PHTF2: variants seen among roughly 807,000 people sequenced by gnomAD.
PHTF2 encodes protein PHTF2.
PHTF2 carries 60 observed loss-of-function variants against 101.2 expected under a neutral mutation model. The observed-to-expected ratio is 0.59, with a 90% CI of 0.48 to 0.73. PHTF2 has a LOEUF of 0.73. Ranked by LOEUF, PHTF2 falls within the 30% of genes least tolerant of loss-of-function variation. PHTF2 has a pLI of 0.00. For missense variants in PHTF2, 747 were observed against 908.7 expected, an observed-to-expected ratio of 0.82 and a Z score of 2.29; for synonymous variants, 311 against 307.3, an observed-to-expected ratio of 1.01 and a Z score of -0.13.
chr7:77,893,869 A>C, intron 4 of PHTF2, 113 bp from the exon 4 acceptor site: 1 of 815,498 alleles, frequency 1.2e-6, no homozygotes, highest in East Asian at 2.5e-5. Flanking sequence ...CTGTTCTTTT[A>C]AAATTGAATT....
intron 17 of PHTF2, among the ~76,000 whole-genome samples, chr7:77,950,781 A>G (rs1252939128): frequency 6.6e-6 from 1 of 152,086 alleles, no homozygotes; most frequent in African/African-American, 2.4e-5. Flanking sequence ...CTTTCTGTAG[A>G]CTTGTTACCC....
At chr7:77,863,963 A>G (rs1797856124) in intron 3 of PHTF2, among the ~76,000 whole-genome samples, 2 of 152,020 alleles carry the variant, frequency 1.3e-5, no homozygotes, top group Admixed American at 1.3e-4. Context: ...AATTTTCTGT[A>G]GGGATGGAGT....
chr7:77,860,768 G>A (rs1034790855), intron 3 of PHTF2, among the ~76,000 whole-genome samples: 1 of 152,042 alleles, frequency 6.6e-6, no homozygotes, highest in Non-Finnish European at 1.5e-5. Flanking sequence ...CTGGAGTGCA[G>A]TGGCACAATC....
At chr7:77,868,920 T>A (rs1798297965) in intron 3 of PHTF2, among the ~76,000 whole-genome samples, 3 of 152,208 alleles carry the variant, frequency 2.0e-5, no homozygotes, top group Admixed American at 2.0e-4. Flanking sequence ...TTCCCTTTCA[T>A]TTTGGCTTGA....
exon 11 of PHTF2, chr7:77,922,629 C>A: frequency 6.2e-7 from 1 of 1,607,820 alleles, no homozygotes; most frequent in South Asian, 1.1e-5. Context: ...TTAGGATACC[C>A]AAAGGACAAT....
At chr7:77,874,158 T>A (rs1798747244) in intron 3 of PHTF2, among the ~76,000 whole-genome samples, 1 of 152,190 alleles carries the variant, frequency 6.6e-6, no homozygotes, top group African/African-American at 2.4e-5. Flanking sequence ...ATCAGGAGTG[T>A]CAAATGCATT....
intron 12 of PHTF2, among the ~76,000 whole-genome samples, chr7:77,932,254 G>T (rs904950095): frequency 6.6e-6 from 1 of 152,088 alleles, no homozygotes; most frequent in Non-Finnish European, 1.5e-5. Flanking sequence ...AGGTAGGGAA[G>T]AATCAAAGAG....
At chr7:77,936,414 C>T (rs776951302) in intron 12 of PHTF2, among the ~76,000 whole-genome samples, 4 of 152,156 alleles carry the variant, frequency 2.6e-5, no homozygotes, top group Non-Finnish European at 4.4e-5. Flanking sequence ...CCGTGGCTCA[C>T]GCCTGTAATC....
At chr7:77,851,954 A>G (rs1796797019) in intron 2 of PHTF2, among the ~76,000 whole-genome samples, 2 of 151,678 alleles carry the variant, frequency 1.3e-5, no homozygotes, top group African/African-American at 4.8e-5. Flanking sequence ...TTTCTTCTTC[A>G]TTTCTTCATT....
intron 11 of PHTF2, among the ~76,000 whole-genome samples, chr7:77,925,575 T>C (rs1438123241): frequency 1.5e-5 from 2 of 135,574 alleles, no homozygotes; most frequent in African/African-American, 2.7e-5. Flanking sequence ...AGTGGCGCCA[T>C]CTCGGCTCAC....
chr7:77,811,645 A>G (rs1471827544), intron 1 of PHTF2, among the ~76,000 whole-genome samples: 2 of 152,118 alleles, frequency 1.3e-5, no homozygotes, highest in Non-Finnish European at 2.9e-5. Context: ...CATTTTGCCA[A>G]TGTCTCTATG....
At chr7:77,878,166 A>G (rs1199984783) in intron 3 of PHTF2, among the ~76,000 whole-genome samples, 1 of 152,156 alleles carries the variant, frequency 6.6e-6, no homozygotes, top group Non-Finnish European at 1.5e-5. Context: ...GGTTATTATT[A>G]TTCAAATTGG....
intron 5 of PHTF2, among the ~76,000 whole-genome samples, chr7:77,896,784 C>G (rs942968789): frequency 1.3e-5 from 2 of 152,150 alleles, no homozygotes; most frequent in Non-Finnish European, 2.9e-5. Flanking sequence ...AAAAAACACT[C>G]TACCTGTTGT....
chr7:77,852,794 T>G (rs1796874763), intron 2 of PHTF2, among the ~76,000 whole-genome samples: 1 of 152,204 alleles, frequency 6.6e-6, no homozygotes, highest in East Asian at 1.9e-4. Context: ...TCTCTCACCT[T>G]TTGTTTGTCT....
chr7:77,932,621 AGTGTGTGTGTGTGTGT>A (rs56005414), intron 12 of PHTF2, among the ~76,000 whole-genome samples: 3 of 118,476 alleles, frequency 2.5e-5, no homozygotes, highest in African/African-American at 1.1e-4. Context: ...AGAGAGAGAG[AGTGTGTGTGTGTGTGT>A]GTGTGTGTGT....
chr7:77,887,644 A>T lies in PHTF2; in HGVS notation c.148-5964A>T, dbSNP rs534647113. ...AAAATCTTTAATTGACCTTGTTGTC[A>T]TTAAGAAGAAGGAGTTATTCTAAGG... is the stretch of plus-strand genomic sequence containing the variant. On this transcript the variant is annotated intron_variant, in intron 3 of 19. Coordinates refer to ENST00000416283, the Ensembl canonical transcript of PHTF2. Among the ~76,000 whole-genome samples the T allele has an allele frequency of 2.6e-5, 4 of 152,342 alleles. No homozygotes were observed. The East Asian group carries it at 5.8e-4, about 22-fold the overall frequency.
intron 3 of PHTF2, among the ~76,000 whole-genome samples, chr7:77,855,144 A>G (rs1363340298): frequency 6.6e-6 from 1 of 152,194 alleles, no homozygotes; most frequent in Non-Finnish European, 1.5e-5. Flanking sequence ...GGTACCACTT[A>G]TGTGTATTCA....
chr7:77,916,505 C>G (rs1224838178), intron 9 of PHTF2, among the ~76,000 whole-genome samples: 7 of 152,096 alleles, frequency 4.6e-5, no homozygotes, highest in Non-Finnish European at 1.0e-4. Flanking sequence ...GAATTTAGCT[C>G]TCCTACCATT....
At chr7:77,911,644 T>C (rs1202477197) in intron 9 of PHTF2, among the ~76,000 whole-genome samples, 1 of 152,218 alleles carries the variant, frequency 6.6e-6, no homozygotes, top group Non-Finnish European at 1.5e-5. Flanking sequence ...TATCATGCAT[T>C]ACAGAACTAA....
Sources: allele counts gnomAD v4.1 joint callset (sites outside exome capture counted in the v4.1 genomes callset), GRCh38; gene constraint gnomAD v4.1.1; transcripts MANE v1.5; gene names NCBI Gene and HGNC (gene_info 2026-07-23, HGNC 2026-07-21).